Variants in FIGN observed in about 807,000 individuals in gnomAD.
FIGN encodes fidgetin.
A neutral mutation model predicts 51.3 loss-of-function variants in FIGN; 11 were observed. That is an observed-to-expected ratio of 0.21 (90% CI 0.13 to 0.35). The LOEUF is 0.35. Among genes scored for constraint, FIGN ranks in the 10% least tolerant of loss-of-function variants. The pLI is 1.00. For synonymous variants in FIGN, 407 were observed against 363.2 expected (o/e 1.12, Z -1.37); for missense variants, 857 against 943.6 (o/e 0.91, Z 1.20).
chr2:163,703,573 A>C (rs1684443272), intron 2 of FIGN, among the ~76,000 whole-genome samples: 1 of 152,176 alleles, frequency 6.6e-6, no homozygotes, highest in Non-Finnish European at 1.5e-5. Flanking sequence ...TTAACTGAAG[A>C]GCTCAGGTAA....
At chr2:163,659,426 C>T (rs928515813) in intron 2 of FIGN, among the ~76,000 whole-genome samples, 2 of 151,380 alleles carry the variant, frequency 1.3e-5, no homozygotes, top group African/African-American at 2.4e-5. Flanking sequence ...TCACCAAGGG[C>T]AGTGCCATGG....
At chr2:163,734,570 A>AAAC (rs1333865692) in intron 2 of FIGN, among the ~76,000 whole-genome samples, 30 of 150,756 alleles carry the variant, frequency 2.0e-4, no homozygotes, top group African/African-American at 7.3e-4. Context: ...AAAAAAAAAA[A>AAAC]AAAAAAACCC....
intron 2 of FIGN, among the ~76,000 whole-genome samples, chr2:163,707,354 CAAA>C (rs10532413): frequency 6.7e-6 from 1 of 149,514 alleles, no homozygotes; most frequent in Non-Finnish European, 1.5e-5. Context: ...GACTCTGTCT[CAAA>C]AAAAAAAACA....
intron 2 of FIGN, among the ~76,000 whole-genome samples, chr2:163,705,946 C>T: frequency 6.6e-6 from 1 of 152,086 alleles, no homozygotes; most frequent in Non-Finnish European, 1.5e-5. Flanking sequence ...ATGTCCATTT[C>T]TCTTCATCTG....
At chr2:163,611,899 T>TTTC in intron 2 of FIGN, 93 bp from the exon 3 acceptor site, 1 of 1,008,304 alleles carries the variant, frequency 9.9e-7, no homozygotes, top group Non-Finnish European at 1.4e-6. Flanking sequence ...ACCTATTATT[T>TTTC]TCCATTAATG....
chr2:163,732,874 T>C (rs1174276328), intron 2 of FIGN, among the ~76,000 whole-genome samples: 1 of 152,202 alleles, frequency 6.6e-6, no homozygotes, highest in South Asian at 2.1e-4. Flanking sequence ...AAAAGAGACA[T>C]TGTAGCTTTC....
chr2:163,667,767 C>T (rs541464641), intron 2 of FIGN, among the ~76,000 whole-genome samples: 1 of 152,268 alleles, frequency 6.6e-6, no homozygotes, highest in East Asian at 1.9e-4. Flanking sequence ...GACAGGGTTC[C>T]ACTGCTGCGT....
intron 2 of FIGN, among the ~76,000 whole-genome samples, chr2:163,668,321 G>C (rs1683817524): frequency 6.6e-6 from 1 of 152,066 alleles, no homozygotes; most frequent in Non-Finnish European, 1.5e-5. Context: ...AACTGAAGAA[G>C]AACCAGTAAA....
intron 2 of FIGN, among the ~76,000 whole-genome samples, chr2:163,645,626 G>A (rs2105318856): frequency 6.6e-6 from 1 of 152,266 alleles, no homozygotes; most frequent in African/African-American, 2.4e-5. Flanking sequence ...TGAGCAGAGG[G>A]GCCCTTTGGA....
intron 2 of FIGN, among the ~76,000 whole-genome samples, chr2:163,645,124 A>G (rs58236681): frequency 0.036 from 5,420 of 152,328 alleles, 239 homozygotes; most frequent in African/African-American, 0.097. Flanking sequence ...GAAAAAAATT[A>G]CATATCAGAT....
chr2:163,681,532 G>A (rs1684061783), intron 2 of FIGN, among the ~76,000 whole-genome samples: 1 of 152,132 alleles, frequency 6.6e-6, no homozygotes, highest in Admixed American at 6.5e-5. Flanking sequence ...GCAGCATAAT[G>A]AGACCCCATC....
At chr2:163,658,398 TCTCTCTCTCTC>T (rs1468673885) in intron 2 of FIGN, among the ~76,000 whole-genome samples, 1 of 119,120 alleles carries the variant, frequency 8.4e-6, no homozygotes, top group Non-Finnish European at 2.0e-5. Context: ...TCTCTCTCTC[TCTCTCTCTCTC>T]GGTCTTAGTC....
Position 163,694,699 on chromosome 2 carries a change from T to G in FIGN, c.25+40204A>C, listed in dbSNP as rs201458818. 7.2e-5 allele frequency among the ~76,000 whole-genome samples: 11 copies of G among 152,328 alleles called. No homozygotes were observed. The East Asian group carries it at 2.1e-3, about 29-fold the overall frequency. Reference sequence around the variant, plus strand: ...GAGCAAAAATATTGGCCATGTCCTTTAATGGCTGTGCTCAATCATTTTACT... The same window carrying G: ...GAGCAAAAATATTGGCCATGTCCTTGAATGGCTGTGCTCAATCATTTTACT... On this transcript the variant is annotated intron_variant, in intron 2 of 2. Coordinates refer to ENST00000333129, the MANE Select transcript of FIGN (RefSeq NM_018086.4).
Position 163,610,198 on chromosome 2 carries a change from G to A in FIGN, c.1634C>T (p.Ala545Val). 6.2e-7 allele frequency: 1 copy of A among 1,614,056 alleles called. No homozygotes were observed. Among genetic ancestry groups the A allele is most frequent in the Non-Finnish European group, 8.5e-7 (1 of 1,180,006 alleles). The change falls in exon 3 of 3, where the codon GCC becomes GTC. Residue 545 changes from alanine (A) to valine (V), a missense_variant. Ala to Val is a moderately conservative substitution (Grantham distance 64, BLOSUM62 0). This residue lies in a region of FIGN where 799 missense variants were observed against 849.5 expected (regional missense o/e 0.94). Transcript: ENST00000333129. ...AGAACCGGCAATTTTGAAAAATGTG[G>A]CCCCCAGCTGACTAGCGATGCATCT... ...LGRCIASQLG[A>V]TFFKIAGSGL...
chr2:163,612,432 C>A (rs1016746713), intron 2 of FIGN: 1 of 985,328 alleles, frequency 1.0e-6, no homozygotes, highest in African/African-American at 1.7e-5. Flanking sequence ...CAACTCTCAT[C>A]TAAAGTGGTC....
rs1277848735 is a variant in FIGN at position 163,735,945 on chromosome 2, T to C, written c.-253A>G. 6.5e-6 allele frequency: 1 copy of C among 152,680 alleles called. No individual in the cohort carries two copies. The highest frequency in any genetic ancestry group is 6.5e-5 in the Admixed American group (1 of 15,290). The allele number at this position is 152,680 out of a possible 1,614,324, so 9.5% of individuals were successfully genotyped here. ...TGAAGGTGCCTATGATTTGAAATCA[T>C]TCCAAGTTTTTGAAGGGAAGACGGA... On this transcript the variant is annotated 5_prime_UTR_variant, in exon 1 of 3. An upstream start codon of the reference 5' UTR is lost. Transcript: ENST00000333129.
chr2:163,611,912 A>G, intron 2 of FIGN, 106 bp from the exon 3 acceptor site: 2 of 687,716 alleles, frequency 2.9e-6, no homozygotes, highest in Non-Finnish European at 2.2e-6. Context: ...CATTAATGAT[A>G]TGCATACTTT....
rs943177115 is a variant in FIGN, at chr2:163,610,074, G to T, written c.1758C>A (p.Asp586Glu). 3 of 1,613,834 alleles carry T rather than the reference G, an allele frequency of 1.9e-6. No individual in the cohort carries two copies. The highest frequency in any genetic ancestry group is 8.5e-7 in the Non-Finnish European group (1 of 1,179,878). ...CRQPSVIFVS[D>E]IDMLLSSQVN... is the part of the protein sequence containing the mutation. ...CTTGAGAGGAGAGAAGCATGTCAAT[G>T]TCACTAACAAAAATCACCGAGGGCT... Residue 586 changes from aspartate (D) to glutamate (E), a missense_variant, in exon 3 of 3, where the codon GAC becomes GAA. Coordinates refer to ENST00000333129, the MANE Select transcript of FIGN (RefSeq NM_018086.4).
intron 2 of FIGN, among the ~76,000 whole-genome samples, chr2:163,712,829 G>A (rs1230122338): frequency 6.6e-6 from 1 of 152,102 alleles, no homozygotes; most frequent in African/African-American, 2.4e-5. Context: ...GGACTATTAT[G>A]CAGCAGAATT....
Sources: gnomAD v4.1 joint callset for allele counts (sites outside exome capture counted in the v4.1 genomes callset) on GRCh38, gnomAD v4.1.1 for gene constraint, gnomAD v4.1.1 regional missense constraint, MANE v1.5 for transcripts, NCBI Gene and HGNC (gene_info 2026-07-23, HGNC 2026-07-21) for gene names.